SH3KBP1: variants seen among roughly 807,000 people sequenced by gnomAD.
The protein encoded by SH3KBP1 is SH3 domain containing kinase binding protein 1, also known as SH3 domain-containing kinase-binding protein 1.
A neutral mutation model predicts 50.1 loss-of-function variants in SH3KBP1; 8 were observed. That is an observed-to-expected ratio of 0.16 (90% CI 0.09 to 0.29). The LOEUF (loss-of-function observed/expected upper bound fraction) is 0.29. Ranked by LOEUF, SH3KBP1 falls within the 10% of genes least tolerant of loss-of-function variation. The probability of loss-of-function intolerance (pLI) is 1.00; values close to 1 mark genes in which losing one functional copy is unlikely to be tolerated. For synonymous variants in SH3KBP1, 227 were observed against 218.6 expected, an observed-to-expected ratio of 1.04 and a Z score of -0.34; for missense variants, 377 against 535.2, an observed-to-expected ratio of 0.70 and a Z score of 2.92.
intron 13 of SH3KBP1, among the ~76,000 whole-genome samples, chrX:19,566,540 C>T (rs766287981): frequency 2.2e-4 from 25 of 111,744 alleles, no homozygotes; most frequent in African/African-American, 8.1e-4. Flanking sequence ...TCGCACATGA[C>T]CTTCACCAAC....
At chrX:19,784,570 G>A (rs1287118852) in intron 2 of SH3KBP1, among the ~76,000 whole-genome samples, 1 of 111,360 alleles carries the variant, frequency 9.0e-6, no homozygotes, top group Non-Finnish European at 1.9e-5. Context: ...CAGTATTCCA[G>A]AGAGTCTGAA....
At chrX:19,709,780 T>C (rs1384028135) in intron 3 of SH3KBP1, among the ~76,000 whole-genome samples, 7 of 112,044 alleles carry the variant, frequency 6.2e-5, no homozygotes, top group African/African-American at 2.3e-4. Context: ...AGGGGGATGC[T>C]TGAAGTTGGG....
chrX:19,823,977 C>T (rs896390240), intron 2 of SH3KBP1, among the ~76,000 whole-genome samples: 2 of 110,943 alleles, frequency 1.8e-5, no homozygotes, highest in African/African-American at 3.3e-5. Context: ...TGGACCACCA[C>T]GCCTGGCTAC....
At position 19,541,965 on chromosome X, in the gene SH3KBP1, C is replaced by T. The variant is rs373849479; in HGVS notation, c.1852G>A (p.Glu618Lys). Residue 618 changes from glutamate (E) to lysine (K), a missense_variant, in exon 16 of 18, where the codon GAG (glutamate) becomes AAG (lysine). Around this residue, in one of 3 missense-constraint regions of SH3KBP1, gnomAD observed 110 missense variants for 124.1 expected, o/e 0.89. Coordinates refer to ENST00000397821, the MANE Select transcript of SH3KBP1 (RefSeq NM_031892.3). ...AVEELRTQVR[E>K]LRSIIETMKD... ...ATGGTCTCGATGATGCTCCTCAGCT[C>T]GCGGACCTGTGTCCTTAGCTCCTCC... The T allele has an allele frequency of 2.5e-6, 3 of 1,211,339 alleles. No homozygotes were observed. The highest frequency in any genetic ancestry group is 1.8e-5 in the South Asian group (1 of 56,838).
chrX:19,866,084 C>T (rs1325634948), intron 1 of SH3KBP1, among the ~76,000 whole-genome samples: 1 of 111,651 alleles, frequency 9.0e-6, no homozygotes, highest in African/African-American at 3.3e-5. Context: ...TTGCAGGGGG[C>T]CAGAGACACT....
intron 2 of SH3KBP1, among the ~76,000 whole-genome samples, chrX:19,834,864 T>C (rs1229500552): frequency 9.1e-6 from 1 of 109,634 alleles, no homozygotes; most frequent in East Asian, 2.9e-4. Flanking sequence ...ACCCCATCTC[T>C]ACTTAAAAAA....
At chrX:19,613,753 T>C (rs1467025408) in intron 8 of SH3KBP1, among the ~76,000 whole-genome samples, 3 of 112,410 alleles carry the variant, frequency 2.7e-5, no homozygotes, top group Non-Finnish European at 3.8e-5. Context: ...AACAGGGAAC[T>C]CACTTTGTCA....
chrX:19,755,596 A>G (rs1260379947), intron 2 of SH3KBP1, among the ~76,000 whole-genome samples: 1 of 111,600 alleles, frequency 9.0e-6, no homozygotes, highest in African/African-American at 3.3e-5. Flanking sequence ...CAAACATGCA[A>G]CAAGATGCTT....
intron 2 of SH3KBP1, among the ~76,000 whole-genome samples, chrX:19,765,003 T>TC (rs1425976138): frequency 1.1e-5 from 1 of 93,354 alleles, no homozygotes; most frequent in Non-Finnish European, 2.1e-5. Context: ...TTTTTTTTTT[T>TC]TTTTTTTTTT....
chrX:19,541,936 C>T lies in SH3KBP1; in HGVS notation c.1881G>A (p.Lys627=), dbSNP rs762617815. Residue 627 remains lysine, a synonymous_variant, in exon 16 of 18, where the codon AAG becomes AAA. Transcript: ENST00000397821. The part of the protein sequence containing the change: ...RELRSIIETM[K]DQQKREIKQL... ...CCCCAGGCACTCACTTCTGCTGGTC[C>T]TTCATGGTCTCGATGATGCTCCTCA... The T allele has an allele frequency of 2.5e-5, 30 of 1,206,166 alleles. No individual in the cohort carries two copies. Among genetic ancestry groups the T allele is most frequent in the Non-Finnish European group, 3.2e-5 (29 of 893,102 alleles).
intron 12 of SH3KBP1, among the ~76,000 whole-genome samples, chrX:19,577,407 G>A (rs1025246699): frequency 9.0e-6 from 1 of 111,458 alleles, no homozygotes; most frequent in Non-Finnish European, 1.9e-5. Flanking sequence ...GTGTCACCCC[G>A]GCTCACTGCC....
At position 19,618,920 on chromosome X, in the gene SH3KBP1, C is replaced by A. The variant is rs1333805536; in HGVS notation, c.898-10875G>T. Reference sequence around the variant, plus strand: ...GGTCAAGGCTGCAGTGAGCTGCGATCACACCACCACACTCCAGCCTGGGTG... The same window carrying A: ...GGTCAAGGCTGCAGTGAGCTGCGATAACACCACCACACTCCAGCCTGGGTG... On this transcript the variant is annotated intron_variant, in intron 8 of 17. Coordinates refer to ENST00000397821, the MANE Select transcript of SH3KBP1 (RefSeq NM_031892.3). Among the ~76,000 whole-genome samples the A allele has an allele frequency of 1.5e-4, 16 of 106,879 alleles. No homozygotes were observed. The East Asian group carries it at 4.4e-3, about 30-fold the overall frequency. The allele number at this position is 106,879 out of a possible 115,157, so 92.8% of individuals were successfully genotyped here.
rs189426204 is a variant in SH3KBP1 at position 19,634,959 on chromosome X, G to T, written c.803-3001C>A. Among the ~76,000 whole-genome samples the T allele has an allele frequency of 2.8e-3, 315 of 111,285 alleles. 5 individuals are homozygous for T. The highest frequency in any genetic ancestry group is 9.0e-3 in the African/African-American group (276 of 30,606). On this transcript the variant is annotated intron_variant, in intron 7 of 17. Transcript: ENST00000397821. The stretch of plus-strand genomic sequence containing the variant: ...AAAGACATGTCAGTGAAGCTCTGAG[G>T]GCTCCAAGGGGCACACTGGGCTAGA...
intron 8 of SH3KBP1, among the ~76,000 whole-genome samples, chrX:19,615,592 G>A (rs2067584414): frequency 8.9e-6 from 1 of 112,023 alleles, no homozygotes. Flanking sequence ...GGAAGCCGGG[G>A]CCCAGAAGCA....
At chrX:19,776,532 G>GTTTTTTTTT (rs72090569) in intron 2 of SH3KBP1, among the ~76,000 whole-genome samples, 1,216 of 25,700 alleles carry the variant, frequency 0.047, 153 homozygotes, top group African/African-American at 0.076. Flanking sequence ...TGACAACCTG[G>GTTTTTTTTT]TTTTTTTTTT....
At chrX:19,841,450 T>C (rs1245229235) in intron 1 of SH3KBP1, among the ~76,000 whole-genome samples, 14 of 112,682 alleles carry the variant, frequency 1.2e-4, no homozygotes, top group African/African-American at 4.5e-4. Context: ...ATATACACAA[T>C]GTCACAGAGG....
At position 19,536,224 on chromosome X, in the gene SH3KBP1, G is replaced by C; in HGVS notation, c.*193C>G. ...AAGTCACAACGAGTGCCAGCCCCAGGACTAAACCCTGGGGAAGATTCTCCT... is the reference window on the plus strand; with the variant it reads ...AAGTCACAACGAGTGCCAGCCCCAGCACTAAACCCTGGGGAAGATTCTCCT... On this transcript the variant is annotated 3_prime_UTR_variant, in exon 18 of 18. Coordinates refer to ENST00000397821, the MANE Select transcript of SH3KBP1 (RefSeq NM_031892.3). 1 of 366,184 alleles carries C rather than the reference G, an allele frequency of 2.7e-6. No individual in the cohort carries two copies. The highest frequency in any genetic ancestry group is 5.3e-5 in the Admixed American group (1 of 18,696). The allele number at this position is 366,184 out of a possible 1,213,427, so 30.2% of individuals were successfully genotyped here. A position where few individuals can be genotyped will look rare whatever the true frequency, so the allele number is the denominator to read the frequency against.
chrX:19,718,953 T>C (rs770365437), intron 3 of SH3KBP1, among the ~76,000 whole-genome samples: 5 of 111,708 alleles, frequency 4.5e-5, no homozygotes, highest in African/African-American at 1.3e-4. Flanking sequence ...CAGACAGCCA[T>C]CTCTCACTAG....
intron 2 of SH3KBP1, among the ~76,000 whole-genome samples, chrX:19,805,540 A>C (rs1411080021): frequency 2.1e-4 from 23 of 108,709 alleles, no homozygotes; most frequent in Non-Finnish European, 3.6e-4. Context: ...AAAAAAAAAA[A>C]AAAACACCTC....
Sources: gnomAD v4.1 joint callset for allele counts (sites outside exome capture counted in the v4.1 genomes callset) on GRCh38, gnomAD v4.1.1 for gene constraint, gnomAD v4.1.1 regional missense constraint, MANE v1.5 for transcripts, NCBI Gene and HGNC (gene_info 2026-07-23, HGNC 2026-07-21) for gene names.